Variants in NFIB observed in about 807,000 individuals in gnomAD.
NFIB encodes nuclear factor I B.
Under a neutral mutation model 61.5 loss-of-function variants are expected in NFIB, and 11 were observed. That is an observed-to-expected ratio of 0.18 (90% confidence interval 0.11 to 0.30). The LOEUF (loss-of-function observed/expected upper bound fraction) is 0.30, where lower values mean the gene tolerates loss of function less well. NFIB is among the 10% of genes least tolerant of loss of function. The pLI is 1.00. For synonymous variants in NFIB, 260 were observed against 216.5 expected (o/e 1.20, Z -1.76); for missense variants, 471 against 608.9 (o/e 0.77, Z 2.38).
the NFIB span, among the ~76,000 whole-genome samples, chr9:14,502,004 G>A: frequency 6.6e-6 from 1 of 152,314 alleles, no homozygotes; most frequent in East Asian, 1.9e-4. Context: ...ATTTGAATTG[G>A]ATGAGAAATG....
At chr9:14,277,344 G>GACACACAC (rs33999296) in intron 2 of NFIB, among the ~76,000 whole-genome samples, 21 of 149,356 alleles carry the variant, frequency 1.4e-4, no homozygotes, top group East Asian at 1.2e-3. Context: ...CGCACACACA[G>GACACACAC]ACACACACAC....
chr9:14,199,416 G>A (rs1254340369), intron 2 of NFIB, among the ~76,000 whole-genome samples: 1 of 152,112 alleles, frequency 6.6e-6, no homozygotes, highest in Non-Finnish European at 1.5e-5. Context: ...GTACATCCTC[G>A]GCTTTAGATG....
chr9:14,262,488 A>G (rs1161782030), intron 2 of NFIB, among the ~76,000 whole-genome samples: 1 of 152,214 alleles, frequency 6.6e-6, no homozygotes, highest in Non-Finnish European at 1.5e-5. Context: ...CAAATTATGG[A>G]ATGAACTCCC....
At chr9:14,508,373 G>T in the NFIB span, among the ~76,000 whole-genome samples, 1 of 152,050 alleles carries the variant, frequency 6.6e-6, no homozygotes, top group Non-Finnish European at 1.5e-5. Context: ...CCCACTCCTT[G>T]TCCATATATC....
intron 6 of NFIB, among the ~76,000 whole-genome samples, chr9:14,129,055 C>T (rs971028308): frequency 3.3e-5 from 5 of 152,032 alleles, no homozygotes; most frequent in South Asian, 2.1e-4. Flanking sequence ...CTAATAATAA[C>T]GGTACGTTCA....
At chr9:14,398,651 C>T in exon 1 of NFIB, 2 of 1,498,268 alleles carry the variant, frequency 1.3e-6, no homozygotes, top group Non-Finnish European at 1.8e-6. Flanking sequence ...GGATTCCCGA[C>T]AAGAAGCCTG....
the NFIB span, among the ~76,000 whole-genome samples, chr9:14,450,648 C>G: frequency 6.6e-6 from 1 of 152,172 alleles, no homozygotes; most frequent in South Asian, 2.1e-4. Context: ...TACAGCACCC[C>G]TCCCCCCGCA....
intron 2 of NFIB, among the ~76,000 whole-genome samples, chr9:14,288,747 C>T (rs1266451186): frequency 1.3e-5 from 2 of 151,970 alleles, no homozygotes; most frequent in Admixed American, 6.6e-5. Context: ...ATAAACACTG[C>T]AAGTGACCAT....
chr9:14,501,780 C>G, the NFIB span, among the ~76,000 whole-genome samples: 1 of 152,188 alleles, frequency 6.6e-6, no homozygotes, highest in African/African-American at 2.4e-5. Context: ...GCACTACGCC[C>G]AGATGACAAT....
intron 3 of NFIB, among the ~76,000 whole-genome samples, chr9:14,159,704 A>G (rs10117206): frequency 0.092 from 14,026 of 152,266 alleles, 1,837 homozygotes; most frequent in African/African-American, 0.3. Context: ...GTGCTTACTC[A>G]TTAGCATACA....
At chr9:14,379,903 G>A (rs1195381132) in intron 1 of NFIB, among the ~76,000 whole-genome samples, 2 of 151,676 alleles carry the variant, frequency 1.3e-5, no homozygotes, top group East Asian at 1.9e-4. Context: ...GGCTGGTCTC[G>A]AACTCCTGAC....
At chr9:14,321,084 A>T (rs2060648535) in intron 1 of NFIB, among the ~76,000 whole-genome samples, 1 of 152,152 alleles carries the variant, frequency 6.6e-6, no homozygotes, top group Non-Finnish European at 1.5e-5. Flanking sequence ...CAAAGTCGAA[A>T]CTGGCTTCCC....
chr9:14,186,980 T>C (rs2047400238), intron 2 of NFIB, among the ~76,000 whole-genome samples: 1 of 151,718 alleles, frequency 6.6e-6, no homozygotes, highest in Non-Finnish European at 1.5e-5. Context: ...TTTCTCTCTC[T>C]CTCTCCCTCC....
intron 1 of NFIB, among the ~76,000 whole-genome samples, chr9:14,339,237 T>A (rs4740568): frequency 0.84 from 128,327 of 152,202 alleles, 58,394 homozygotes; most frequent in Non-Finnish European, 1. Flanking sequence ...TCTGACCTAT[T>A]GTAAGCACTC....
At chr9:14,112,271 G>A (rs1198497252) in intron 10 of NFIB, among the ~76,000 whole-genome samples, 2 of 152,116 alleles carry the variant, frequency 1.3e-5, no homozygotes, top group Admixed American at 6.6e-5. Context: ...AACTAGAATC[G>A]TGGGATTTCT....
chr9:14,269,298 A>G (rs933770896), intron 2 of NFIB, among the ~76,000 whole-genome samples: 1 of 152,150 alleles, frequency 6.6e-6, no homozygotes, highest in Non-Finnish European at 1.5e-5. Context: ...CATATGTAAA[A>G]CTAGCTCTTT....
intron 1 of NFIB, among the ~76,000 whole-genome samples, chr9:14,339,780 C>G (rs2060928755): frequency 6.6e-6 from 1 of 152,104 alleles, no homozygotes; most frequent in Admixed American, 6.5e-5. Context: ...TTGTAAGAGA[C>G]TAGGGGAGAG....
chr9:14,511,960 C>T, the NFIB span, among the ~76,000 whole-genome samples: 1 of 152,088 alleles, frequency 6.6e-6, no homozygotes, highest in Admixed American at 6.5e-5. Flanking sequence ...TTGTGGCAAA[C>T]CGATATTTTT....
rs1360376122 is a variant in NFIB at position 14,247,657 on chromosome 9, T to C, written c.562+59332A>G. On this transcript the variant is annotated intron_variant, in intron 2 of 10. Coordinates refer to ENST00000380953, the MANE Select transcript of NFIB (RefSeq NM_001190737.2). Reference sequence around the variant, plus strand: ...AAAAGTTATATAATTTCACTGGATATAAAATTAAAGCAAGATTTTAATACT... The same window carrying C: ...AAAAGTTATATAATTTCACTGGATACAAAATTAAAGCAAGATTTTAATACT... 2.0e-5 allele frequency among the ~76,000 whole-genome samples: 3 copies of C among 152,326 alleles called. No homozygotes were observed. In the East Asian group the frequency reaches 5.8e-4, roughly 29 times the overall value.
Sources: gnomAD v4.1 joint callset for allele counts (sites outside exome capture counted in the v4.1 genomes callset) on GRCh38, gnomAD v4.1.1 for gene constraint, MANE v1.5 for transcripts, NCBI Gene and HGNC (gene_info 2026-07-23, HGNC 2026-07-21) for gene names.